The following RAB3GAP1 variants were observed in gnomAD, a reference collection of about 807,000 sequenced individuals.
RAB3GAP1 encodes the protein RAB3 GTPase activating protein catalytic subunit 1.
A neutral mutation model predicts 130.7 loss-of-function variants in RAB3GAP1; 86 were observed. That is an observed-to-expected ratio of 0.66 (90% confidence interval 0.55 to 0.79). RAB3GAP1 has a LOEUF of 0.79. Ranked by LOEUF, RAB3GAP1 falls within the 30% of genes least tolerant of loss-of-function variation. The pLI is 0.00. For missense variants in RAB3GAP1, 1,029 were observed against 1,169.4 expected (o/e 0.88, Z 1.75); for synonymous variants, 367 against 401.7 (o/e 0.91, Z 1.03).
At chr2:135,073,019 G>T (rs2104844792) in intron 3 of RAB3GAP1, among the ~76,000 whole-genome samples, 1 of 152,328 alleles carries the variant, frequency 6.6e-6, no homozygotes, top group African/African-American at 2.4e-5. Context: ...ACTGGTTAAA[G>T]ATTTAGGTAG....
chr2:135,134,073 T>A (rs771250727), intron 15 of RAB3GAP1, 40 bp downstream of exon 15: 1 of 1,609,520 alleles, frequency 6.2e-7, no homozygotes. Context: ...TACGATTTTG[T>A]TTGTTAGCAG....
At chr2:135,071,603 C>T (rs1478833479) in intron 3 of RAB3GAP1, among the ~76,000 whole-genome samples, 1 of 151,760 alleles carries the variant, frequency 6.6e-6, no homozygotes, top group African/African-American at 2.4e-5. Context: ...GCAAGTGCAG[C>T]ACAACAGAAA....
At chr2:135,156,231 G>A (rs1007930759) in intron 19 of RAB3GAP1, among the ~76,000 whole-genome samples, 10 of 152,024 alleles carry the variant, frequency 6.6e-5, no homozygotes, top group African/African-American at 2.4e-4. Flanking sequence ...AGGCCCAGAT[G>A]GTTTCACAGG....
chr2:135,145,659 T>A (rs972547662), intron 17 of RAB3GAP1, among the ~76,000 whole-genome samples: 3 of 152,196 alleles, frequency 2.0e-5, no homozygotes, highest in African/African-American at 7.2e-5. Context: ...CTTAACATCA[T>A]TTAAATGAAA....
chr2:135,121,610 C>T (rs1029915008), intron 8 of RAB3GAP1, among the ~76,000 whole-genome samples: 1 of 151,972 alleles, frequency 6.6e-6, no homozygotes, highest in Admixed American at 6.6e-5. Context: ...TATATTAAAG[C>T]ACATCTAATA....
chr2:135,167,757 C>T (rs1282397487), intron 23 of RAB3GAP1: 1 of 1,434,490 alleles, frequency 7.0e-7, no homozygotes, highest in South Asian at 1.2e-5. Context: ...TGTTCCTTCC[C>T]ATCCCTCTAA....
At chr2:135,131,649 C>G (rs978336279) in intron 13 of RAB3GAP1, among the ~76,000 whole-genome samples, 1 of 152,046 alleles carries the variant, frequency 6.6e-6, no homozygotes, top group African/African-American at 2.4e-5. Context: ...GTGGAATGGC[C>G]CCAGCCTGGG....
At chr2:135,118,553 C>G (rs1691097162) in intron 7 of RAB3GAP1, among the ~76,000 whole-genome samples, 1 of 152,032 alleles carries the variant, frequency 6.6e-6, no homozygotes, top group South Asian at 2.1e-4. Context: ...ATATTTGTCT[C>G]TTTTAGAACT....
chr2:135,086,539 A>G (rs1046057970), intron 3 of RAB3GAP1, among the ~76,000 whole-genome samples: 5 of 149,876 alleles, frequency 3.3e-5, no homozygotes, highest in African/African-American at 4.9e-5. Flanking sequence ...TCTGCTGTCT[A>G]TTCTTTTGCT....
chr2:135,069,608 A>G (rs1215235053), intron 3 of RAB3GAP1, among the ~76,000 whole-genome samples: 2 of 152,204 alleles, frequency 1.3e-5, no homozygotes, highest in African/African-American at 4.8e-5. Context: ...ACAGGGTAGC[A>G]AATAAAATAT....
At chr2:135,103,034 G>GTTTTTTTTT (rs1355666279) in intron 5 of RAB3GAP1, among the ~76,000 whole-genome samples, 7 of 100,474 alleles carry the variant, frequency 7.0e-5, no homozygotes, top group African/African-American at 4.1e-4. Flanking sequence ...TCATTTTTGT[G>GTTTTTTTTT]ATTTTTTTTT....
rs759078513 is a variant in RAB3GAP1 at position 135,130,701 on chromosome 2, G to C, written c.1216G>C (p.Val406Leu). 3 of 1,613,300 alleles carry C rather than the reference G, an allele frequency of 1.9e-6. No individual in the cohort carries two copies. In the South Asian group the frequency reaches 3.3e-5, roughly 18 times the overall value. Residue 406 changes from valine (V) to leucine (L), a missense_variant, in exon 13 of 24, where the codon GTT becomes CTT. Transcript: ENST00000264158. ...AGAGGAGTCACCGCTAAATAATGATGTTCTTAATACTATTCTCCTGGTAAC... is the reference window on the plus strand; with the variant it reads ...AGAGGAGTCACCGCTAAATAATGATCTTCTTAATACTATTCTCCTGGTAAC... Reference protein sequence around the residue: ...GVEESPLNNDVLNTILLFLFP... With the variant: ...GVEESPLNNDLLNTILLFLFP...
At chr2:135,099,995 G>A (rs998373546) in intron 5 of RAB3GAP1, among the ~76,000 whole-genome samples, 1 of 152,222 alleles carries the variant, frequency 6.6e-6, no homozygotes, top group Middle Eastern at 3.4e-3. Context: ...TATGGATGAT[G>A]ATATCTGAGT....
chr2:135,084,722 C>T (rs915739037), intron 3 of RAB3GAP1, among the ~76,000 whole-genome samples: 1 of 152,034 alleles, frequency 6.6e-6, no homozygotes, highest in African/African-American at 2.4e-5. Flanking sequence ...ACAAAGGTAA[C>T]ACCCTAAATA....
chr2:135,065,382 A>G lies in RAB3GAP1; in HGVS notation c.150+7296A>G, dbSNP rs143811157. 1.5e-3 allele frequency among the ~76,000 whole-genome samples: 235 copies of G among 152,266 alleles called. 1 individual carries two copies. Among genetic ancestry groups the G allele is most frequent in the Non-Finnish European group, 2.5e-4 (17 of 68,020 alleles). On this transcript the variant is annotated intron_variant, in intron 3 of 23. Transcript: ENST00000264158. ...GTGTACTTGAGGCCAAATTTTCTTC[A>G]TATACTTCAACTAGAACAATGGATT...
At chr2:135,082,598 G>A (rs1053208666) in intron 3 of RAB3GAP1, among the ~76,000 whole-genome samples, 24 of 151,596 alleles carry the variant, frequency 1.6e-4, no homozygotes, top group Non-Finnish European at 2.2e-4. Context: ...CTGCCACCAC[G>A]CCCAGGTAAT....
At chr2:135,081,066 C>T (rs1689781566) in intron 3 of RAB3GAP1, among the ~76,000 whole-genome samples, 2 of 151,732 alleles carry the variant, frequency 1.3e-5, no homozygotes, top group South Asian at 4.2e-4. Context: ...GGAAATTTTG[C>T]CATGAAGCAA....
intron 2 of RAB3GAP1, 48 bp downstream of exon 2, chr2:135,052,533 C>T (rs777039732): frequency 1.2e-5 from 19 of 1,605,860 alleles, no homozygotes; most frequent in Non-Finnish European, 1.5e-5. Flanking sequence ...GCCCTGGCGT[C>T]CCCTAGCCGC....
chr2:135,171,751 A>T (rs1692861341), downstream of RAB3GAP1, among the ~76,000 whole-genome samples: 1 of 152,188 alleles, frequency 6.6e-6, no homozygotes, highest in Non-Finnish European at 1.5e-5. Flanking sequence ...GGAAGCTCAC[A>T]GTGTGGGACA....
Sources: allele counts gnomAD v4.1 joint callset (sites outside exome capture counted in the v4.1 genomes callset), GRCh38; gene constraint gnomAD v4.1.1; transcripts MANE v1.5; gene names NCBI Gene and HGNC (gene_info 2026-07-23, HGNC 2026-07-21).